NUAK1: variants seen among roughly 807,000 people sequenced by gnomAD.
The protein encoded by NUAK1 is NUAK family SNF1-like kinase 1.
A neutral mutation model predicts 56.9 loss-of-function variants in NUAK1; 26 were observed. That is an observed-to-expected ratio of 0.46 (90% CI 0.33 to 0.63). NUAK1 has a LOEUF of 0.63. NUAK1 is among the 30% of genes least tolerant of loss of function. The pLI is 0.02. For missense variants in NUAK1, 727 were observed against 876.1 expected (o/e 0.83, Z 2.15); for synonymous variants, 337 against 336.0 (o/e 1.00, Z -0.03).
At chr12:106,101,967 C>T (rs2032753941) in intron 2 of NUAK1, among the ~76,000 whole-genome samples, 1 of 152,174 alleles carries the variant, frequency 6.6e-6, no homozygotes, top group South Asian at 2.1e-4. Flanking sequence ...AGCTGGAATA[C>T]AGCCTTGGCA....
At chr12:106,097,214 G>C (rs140968676) in intron 2 of NUAK1, among the ~76,000 whole-genome samples, 265 of 152,290 alleles carry the variant, frequency 1.7e-3, no homozygotes, top group Middle Eastern at 3.4e-3. Flanking sequence ...CTAGCCCAAG[G>C]TCACACTGCA....
At chr12:106,096,045 C>T (rs1310807729) in intron 2 of NUAK1, among the ~76,000 whole-genome samples, 1 of 152,218 alleles carries the variant, frequency 6.6e-6, no homozygotes. Flanking sequence ...GTGGAGGCCC[C>T]TCTTCTGTGC....
At chr12:106,072,069 T>C (rs1466332077) in intron 5 of NUAK1, among the ~76,000 whole-genome samples, 1 of 152,164 alleles carries the variant, frequency 6.6e-6, no homozygotes, top group Non-Finnish European at 1.5e-5. Flanking sequence ...TTGAAAGCGC[T>C]AGCATGTAGG....
intron 4 of NUAK1, among the ~76,000 whole-genome samples, chr12:106,079,271 C>T (rs2032492421): frequency 6.6e-6 from 1 of 152,128 alleles, no homozygotes; most frequent in Non-Finnish European, 1.5e-5. Context: ...ATGCTGTGTT[C>T]CTGTGCTTGC....
Position 106,066,769 on chromosome 12 carries a change from G to A in NUAK1, c.*33C>T, listed in dbSNP as rs200911999. On this transcript the variant is annotated 3_prime_UTR_variant, in exon 7 of 7. Transcript: ENST00000261402. ...CAAGTCTTGCTCCCCTTCCTCCCTC[G>A]TACCCCCGCCCGCCCCTGGGCGCCC... 8.9e-5 allele frequency: 137 copies of A among 1,545,252 alleles called. No homozygotes were observed. Among genetic ancestry groups the A allele is most frequent in the Admixed American group, 1.8e-4 (10 of 56,748 alleles).
At chr12:106,132,687 G>A (rs770866171) in intron 1 of NUAK1, among the ~76,000 whole-genome samples, 3 of 152,116 alleles carry the variant, frequency 2.0e-5, no homozygotes, top group Non-Finnish European at 4.4e-5. Context: ...CAAACTCCTC[G>A]AGGTCCAACA....
chr12:106,108,198 A>C (rs776604915), intron 1 of NUAK1, among the ~76,000 whole-genome samples: 10 of 152,220 alleles, frequency 6.6e-5, no homozygotes, highest in Non-Finnish European at 1.2e-4. Flanking sequence ...GAACCACCCC[A>C]GTTAAATAAT....
chr12:106,077,368 G>A (rs2032474905), intron 4 of NUAK1, among the ~76,000 whole-genome samples: 1 of 152,212 alleles, frequency 6.6e-6, no homozygotes, highest in African/African-American at 2.4e-5. Flanking sequence ...TCCTGGAATA[G>A]TCCTGGGACC....
intron 1 of NUAK1, among the ~76,000 whole-genome samples, chr12:106,108,216 C>T (rs118110696): frequency 0.01 from 1,555 of 152,202 alleles, 11 homozygotes; most frequent in Non-Finnish European, 0.014. Context: ...AATACTGCCA[C>T]GACAAGCATA....
intron 1 of NUAK1, among the ~76,000 whole-genome samples, chr12:106,120,195 C>T (rs1198063928): frequency 4.6e-5 from 7 of 152,122 alleles, no homozygotes; most frequent in African/African-American, 9.7e-5. Flanking sequence ...CTTCCAATAT[C>T]GCAGTCTCTA....
rs1295324501 is a variant in NUAK1 at position 106,065,323 on chromosome 12, AC to A, written c.*1478del. ...TGTTTTGTTTTGTTTTGTTTTGTTT[AC>A]TTTTTAAGATAAGAGTCCTGCCGCA... is the stretch of plus-strand genomic sequence containing the variant. On this transcript the variant is annotated 3_prime_UTR_variant, in exon 7 of 7. Coordinates refer to ENST00000261402, the MANE Select transcript of NUAK1 (RefSeq NM_014840.3). 2 of 151,814 alleles carry A rather than the reference AC, an allele frequency of 1.3e-5. No homozygotes were observed. Among genetic ancestry groups the A allele is most frequent in the African/African-American group, 4.8e-5 (2 of 41,300 alleles). 9.4% of individuals were successfully genotyped at this position (151,814 alleles called of 1,614,324 possible).
At position 106,070,968 on chromosome 12, in the gene NUAK1, A is replaced by G. The variant is rs190215129; in HGVS notation, c.700-62T>C. On this transcript the variant is annotated intron_variant, in intron 5 of 6. Coordinates refer to ENST00000261402, the MANE Select transcript of NUAK1 (RefSeq NM_014840.3). Reference sequence around the variant, plus strand: ...AAACAGATCCCAAGATGCCTTCCAAACCATTAGCATCATAGCCTGTGAGCA... The same window carrying G: ...AAACAGATCCCAAGATGCCTTCCAAGCCATTAGCATCATAGCCTGTGAGCA... 2.5e-6 allele frequency: 4 copies of G among 1,588,354 alleles called. No individual in the cohort carries two copies. The African/African-American group carries it at 5.4e-5, about 21-fold the overall frequency.
At chr12:106,101,710 C>A (rs1414170117) in intron 2 of NUAK1, among the ~76,000 whole-genome samples, 1 of 152,216 alleles carries the variant, frequency 6.6e-6, no homozygotes, top group Non-Finnish European at 1.5e-5. Context: ...TCCAGCAAGT[C>A]ATTAAACCTT....
At position 106,085,510 on chromosome 12, in the gene NUAK1, G is replaced by A. The variant is rs2032562138; in HGVS notation, c.513+1224C>T. On this transcript the variant is annotated intron_variant, in intron 3 of 6. Transcript: ENST00000261402. ...AAGTTGACTCTGTTTTGGATGCCCT[G>A]TTGGACTCAAGTCACGTTATCCTCA... is the stretch of plus-strand genomic sequence containing the variant. 2.6e-5 allele frequency among the ~76,000 whole-genome samples: 4 copies of A among 152,206 alleles called. 1 individual carries two copies. In the South Asian group the frequency reaches 8.3e-4, roughly 32 times the overall value.
Position 106,072,511 on chromosome 12 carries a change from G to C in NUAK1, c.699+213C>G, listed in dbSNP as rs149242824. ...ATTATCTTTTCTAGGGGGATGGCAG[G>C]TACCTTTATTTTCTCCTTTAGGCTT... On this transcript the variant is annotated intron_variant, in intron 5 of 6. Transcript: ENST00000261402. 5.2e-4 allele frequency among the ~76,000 whole-genome samples: 79 copies of C among 152,258 alleles called. No homozygotes were observed. In the East Asian group the frequency reaches 5.8e-3, roughly 11 times the overall value.
In NUAK1 at chr12:106,106,407, T is replaced by C; in HGVS notation, c.359A>G (p.Glu120Gly). 1 of 1,602,334 alleles carries C rather than the reference T, an allele frequency of 6.2e-7. No individual in the cohort carries two copies. The highest frequency in any genetic ancestry group is 8.5e-7 in the Non-Finnish European group (1 of 1,175,234). Residue 120 changes from glutamate (E) to glycine (G), a missense_variant and splice_region_variant, in exon 2 of 7, where the codon GAA becomes GGA. Glu to Gly is a moderately conservative substitution (Grantham distance 98). Coordinates refer to ENST00000261402, the MANE Select transcript of NUAK1 (RefSeq NM_014840.3). ...LNHPHIISIY[E>G]VFENKDKIVI... Reference sequence around the variant, plus strand: ...TAAAAAAAAAAAAAATCACTGACCTTCATAAATACTGATGATATGAGGATG... The same window carrying C: ...TAAAAAAAAAAAAAATCACTGACCTCCATAAATACTGATGATATGAGGATG...
chr12:106,114,343 G>A (rs2032895384), intron 1 of NUAK1, among the ~76,000 whole-genome samples: 1 of 152,224 alleles, frequency 6.6e-6, no homozygotes, highest in Non-Finnish European at 1.5e-5. Flanking sequence ...CCCAGCCAAG[G>A]CGACTCCTAT....
At chr12:106,103,130 C>T (rs143145923) in intron 2 of NUAK1, 2,331 of 152,386 alleles carry the variant, frequency 0.015, 22 homozygotes, top group Non-Finnish European at 0.021. Context: ...GGGATGGTTT[C>T]CTGTTCTCCA....
At chr12:106,068,190 C>T (rs1158040963) in intron 6 of NUAK1, among the ~76,000 whole-genome samples, 1 of 152,160 alleles carries the variant, frequency 6.6e-6, no homozygotes, top group Non-Finnish European at 1.5e-5. Flanking sequence ...GGCATGTTTT[C>T]CCTGTAAGTG....
Sources: allele counts gnomAD v4.1 joint callset (sites outside exome capture counted in the v4.1 genomes callset), GRCh38; gene constraint gnomAD v4.1.1; transcripts MANE v1.5; gene names NCBI Gene and HGNC (gene_info 2026-07-23, HGNC 2026-07-21).